The following ZBTB33 variants were observed in gnomAD, a reference collection of about 807,000 sequenced individuals.
ZBTB33 encodes transcriptional regulator Kaiso.
In ZBTB33, 11 loss-of-function variants were observed where a neutral mutation model predicts 25.9. The ratio of observed to expected loss-of-function variants is 0.42; its 90% CI spans 0.27 to 0.70. ZBTB33 has a LOEUF of 0.70. ZBTB33 is among the 30% of genes least tolerant of loss of function. ZBTB33 has a pLI of 0.23. For missense variants in ZBTB33, 343 were observed against 501.1 expected (o/e 0.68, Z 3.01); for synonymous variants, 157 against 184.8 (o/e 0.85, Z 1.22).
rs1258054183 is a variant in ZBTB33 at position 120,255,518 on chromosome X, C to G, written c.*84C>G. On this transcript the variant is annotated 3_prime_UTR_variant, in exon 3 of 3. Coordinates refer to ENST00000557385, the MANE Select transcript of ZBTB33 (RefSeq NM_001184742.2). The stretch of plus-strand genomic sequence containing the variant: ...TCTGTAAAACAAATTAAGGTGCGAA[C>G]AAGTTAATTTGATCTGCCACATTAT... 1 of 792,706 alleles carries G rather than the reference C, an allele frequency of 1.3e-6. No homozygotes were observed. The highest frequency in any genetic ancestry group is 3.3e-5 in the Admixed American group (1 of 30,263). The allele number at this position is 792,706 out of a possible 1,213,427, so 65.3% of individuals were successfully genotyped here.
Position 120,256,675 on chromosome X carries a change from A to T in ZBTB33, c.*1241A>T, listed in dbSNP as rs184955675. 2.9e-3 allele frequency: 359 copies of T among 123,273 alleles called. No homozygotes were observed. The highest frequency in any genetic ancestry group is 0.011 in the African/African-American group (333 of 30,872). The allele number at this position is 123,273 out of a possible 1,213,427, so 10.2% of individuals were successfully genotyped here. ...ACATATTTAAACACTTAGAAAATAA[A>T]GTTAACACTTACTGAAGTGCTAGTA... On this transcript the variant is annotated 3_prime_UTR_variant, in exon 3 of 3. Transcript: ENST00000557385.
At position 120,255,472 on chromosome X, in the gene ZBTB33, T is replaced by C. The variant is rs782000872; in HGVS notation, c.*38T>C. ...TACTAGAAAGTTTTGTTTTGGATGATGGGGCAGGGGTTTCAGAAGATCTGT... is the reference window on the plus strand; with the variant it reads ...TACTAGAAAGTTTTGTTTTGGATGACGGGGCAGGGGTTTCAGAAGATCTGT... On this transcript the variant is annotated 3_prime_UTR_variant, in exon 3 of 3. Coordinates refer to ENST00000557385, the MANE Select transcript of ZBTB33 (RefSeq NM_001184742.2). 9.4e-6 allele frequency: 10 copies of C among 1,065,858 alleles called. No individual in the cohort carries two copies. In the East Asian group the frequency reaches 3.0e-4, roughly 32 times the overall value. 87.8% of individuals were successfully genotyped at this position (1,065,858 alleles called of 1,213,427 possible). A position where few individuals can be genotyped will look rare whatever the true frequency, so the allele number is the denominator to read the frequency against.
chrX:120,252,932 G>A (rs1556014571), intron 2 of ZBTB33, among the ~76,000 whole-genome samples, 162 bp downstream of exon 2: 1 of 112,136 alleles, frequency 8.9e-6, no homozygotes, highest in Non-Finnish European at 1.9e-5. Context: ...AAAATTAAGA[G>A]TATGTATTTC....
rs1556014890 is a variant in ZBTB33, at chrX:120,254,205, A to G, written c.790A>G (p.Ser264Gly). 8.3e-7 allele frequency: 1 copy of G among 1,212,115 alleles called. No homozygotes were observed. Among genetic ancestry groups the G allele is most frequent in the South Asian group, 1.8e-5 (1 of 57,030 alleles). ...GGCAACTTTGAGCCAAACACAAGGAAGTGAAAAATTGTTGGTATCTTCAGC... is the reference window on the plus strand; with the variant it reads ...GGCAACTTTGAGCCAAACACAAGGAGGTGAAAAATTGTTGGTATCTTCAGC... ...NQATLSQTQGSEKLLVSSAPT... is the reference protein window; with the variant it reads ...NQATLSQTQGGEKLLVSSAPT... The change falls in exon 3 of 3, where the codon AGT (serine) becomes GGT (glycine). Residue 264 changes from serine to glycine, a missense_variant. Around this residue, in one of 2 missense-constraint regions of ZBTB33, gnomAD observed 304 missense variants for 410.0 expected, o/e 0.74. Coordinates refer to ENST00000557385, the MANE Select transcript of ZBTB33 (RefSeq NM_001184742.2).
Position 120,253,692 on chromosome X carries a change from G to A in ZBTB33, c.277G>A (p.Val93Ile), listed in dbSNP as rs2057614656. Residue 93 changes from valine (V) to isoleucine (I), a missense_variant, in exon 3 of 3, where the codon GTT becomes ATT. Transcript: ENST00000557385. The part of the protein sequence containing the change: ...NYIYSSKIVR[V>I]RSDLLDELIK... Reference sequence around the variant, plus strand: ...TATCTATAGTTCTAAAATTGTTCGTGTTAGATCAGATTTGCTTGATGAGTT... The same window carrying A: ...TATCTATAGTTCTAAAATTGTTCGTATTAGATCAGATTTGCTTGATGAGTT... 8.3e-7 allele frequency: 1 copy of A among 1,210,315 alleles called. No homozygotes were observed. The highest frequency in any genetic ancestry group is 2.2e-5 in the Admixed American group (1 of 45,820).
rs557274880 is a variant in ZBTB33 at position 120,255,287 on chromosome X, A to C, written c.1872A>C (p.Glu624Asp). The C allele has an allele frequency of 3.2e-4, 384 of 1,209,969 alleles. 4 individuals carry two copies. In the South Asian group the frequency reaches 6.4e-3, roughly 20 times the overall value. ...GIGYKVDTGK[E>D]PPVGTTTSTQ... ...GGTATAAGGTTGACACTGGAAAAGA[A>C]CCTCCAGTAGGGACCACTACATCTA... Residue 624 changes from glutamate (E) to aspartate (D), a missense_variant, in exon 3 of 3, where the codon GAA becomes GAC. Transcript: ENST00000557385.
At chrX:120,252,399 C>G (rs1443289247) in intron 1 of ZBTB33, among the ~76,000 whole-genome samples, 1 of 110,336 alleles carries the variant, frequency 9.1e-6, no homozygotes, top group African/African-American at 3.3e-5. Context: ...CTCTTTGTTA[C>G]TGGAAATATC....
rs1556015432 is a variant in ZBTB33 at position 120,256,315 on chromosome X, A to G, written c.*881A>G. On this transcript the variant is annotated 3_prime_UTR_variant, in exon 3 of 3. Transcript: ENST00000557385. ...TTTTCAAATTTTGAATCTGAAAGCC[A>G]CCAAATGTATCTTTATGTATAAATC... is the stretch of plus-strand genomic sequence containing the variant. 1 of 123,160 alleles carries G rather than the reference A, an allele frequency of 8.1e-6. No individual in the cohort carries two copies. Among genetic ancestry groups the G allele is most frequent in the African/African-American group, 3.2e-5 (1 of 30,830 alleles). The allele number at this position is 123,160 out of a possible 1,213,427, so 10.1% of individuals were successfully genotyped here.
In ZBTB33 at chrX:120,254,069, A is replaced by G. The variant is rs782035631; in HGVS notation, c.654A>G (p.Gln218=). ...LPSNNTVAQV[Q]SNPGPVAISD... is the part of the protein sequence containing the mutation. ...GTAATAACACAGTGGCACAGGTCCA[A>G]TCTAACCCAGGCCCTGTTGCTATTT... The change falls in exon 3 of 3, where the codon CAA becomes CAG. Residue 218 remains glutamine (Q), a synonymous_variant. Coordinates refer to ENST00000557385, the MANE Select transcript of ZBTB33 (RefSeq NM_001184742.2). 19 of 1,209,199 alleles carry G rather than the reference A, an allele frequency of 1.6e-5. No individual in the cohort carries two copies. Among genetic ancestry groups the G allele is most frequent in the South Asian group, 7.0e-5 (4 of 56,772 alleles).
rs782590085 is a variant in ZBTB33, at chrX:120,257,180, C to T, written c.*1746C>T. On this transcript the variant is annotated 3_prime_UTR_variant, in exon 3 of 3. Transcript: ENST00000557385. ...CCTTCAAACCATTTGTAAACTAACC[C>T]CTGGGAAATTTGAAATTACCTGATA... The T allele has an allele frequency of 1.2e-4, 15 of 122,638 alleles. No individual in the cohort carries two copies. The highest frequency in any genetic ancestry group is 2.6e-4 in the Non-Finnish European group (14 of 52,964). The allele number at this position is 122,638 out of a possible 1,213,427, so 10.1% of individuals were successfully genotyped here.
In ZBTB33 at chrX:120,255,539, A is replaced by T. The variant is rs2057632841; in HGVS notation, c.*105A>T. ...CGAACAAGTTAATTTGATCTGCCAC[A>T]TTATCTGAAGGAAGTGTAGTGGGAT... On this transcript the variant is annotated 3_prime_UTR_variant, in exon 3 of 3. Transcript: ENST00000557385. 4.4e-6 allele frequency: 3 copies of T among 687,865 alleles called. No individual in the cohort carries two copies. Among genetic ancestry groups the T allele is most frequent in the Middle Eastern group, 5.1e-4 (1 of 1,947 alleles). The allele number at this position is 687,865 out of a possible 1,213,427, so 56.7% of individuals were successfully genotyped here. A position where few individuals can be genotyped will look rare whatever the true frequency, so the allele number is the denominator to read the frequency against.
chrX:120,252,592 TG>T lies in ZBTB33; in HGVS notation c.-104-76del, dbSNP rs1182044280. The T allele has an allele frequency of 2.7e-5, 3 of 111,944 alleles. No homozygotes were observed. The East Asian group carries it at 8.3e-4, about 31-fold the overall frequency. The allele number at this position is 111,944 out of a possible 1,213,427, so 9.2% of individuals were successfully genotyped here. A position where few individuals can be genotyped will look rare whatever the true frequency, so the allele number is the denominator to read the frequency against. On this transcript the variant is annotated intron_variant, in intron 1 of 2. Transcript: ENST00000557385. ...TGATTCTTTACCAACAAAAATAAAA[TG>T]TTTCGTGTTTTCTTGGAAGTGGGCA...
chrX:120,252,546 A>G (rs1556014525), intron 1 of ZBTB33, 123 bp from the exon 2 acceptor site: 2 of 112,149 alleles, frequency 1.8e-5, no homozygotes, highest in Admixed American at 9.4e-5. Flanking sequence ...GGTGTGGAAA[A>G]AATTCTCATA....
At chrX:120,252,139 G>T (rs2057604711) in intron 1 of ZBTB33, among the ~76,000 whole-genome samples, 1 of 111,366 alleles carries the variant, frequency 9.0e-6, no homozygotes, top group South Asian at 3.7e-4. Context: ...TTGTTCTTAA[G>T]GTATCATTTT....
rs2057608274 is a variant in ZBTB33, at chrX:120,252,721, A to G, written c.-52A>G. The G allele has an allele frequency of 8.9e-6, 1 of 112,033 alleles. No individual in the cohort carries two copies. Among genetic ancestry groups the G allele is most frequent in the Non-Finnish European group, 1.9e-5 (1 of 53,225 alleles). 9.2% of individuals were successfully genotyped at this position (112,033 alleles called of 1,213,427 possible). On this transcript the variant is annotated 5_prime_UTR_variant, in exon 2 of 3. Coordinates refer to ENST00000557385, the MANE Select transcript of ZBTB33 (RefSeq NM_001184742.2). Reference sequence around the variant, plus strand: ...TAACATTCCACCTCTGGAAATTGTAAAGATGGAGAGATGAGGGGAAGGGAC... The same window carrying G: ...TAACATTCCACCTCTGGAAATTGTAGAGATGGAGAGATGAGGGGAAGGGAC...
chrX:120,254,045 T>A lies in ZBTB33; in HGVS notation c.630T>A (p.Ser210Arg). ...TGCCCACAAAGGAGACTTTGCCGAG[T>A]AATAACACAGTGGCACAGGTCCAAT... The part of the protein sequence containing the change: ...EILPTKETLP[S>R]NNTVAQVQSN... Residue 210 changes from serine to arginine, a missense_variant, in exon 3 of 3, where the codon AGT becomes AGA. Ser to Arg is a moderately radical substitution (Grantham distance 110). Transcript: ENST00000557385. The A allele has an allele frequency of 2.5e-6, 3 of 1,210,829 alleles. No homozygotes were observed. Among genetic ancestry groups the A allele is most frequent in the Non-Finnish European group, 3.4e-6 (3 of 894,759 alleles).
chrX:120,252,560 A>AT (rs2057607320), intron 1 of ZBTB33, 109 bp from the exon 2 acceptor site: 1 of 112,082 alleles, frequency 8.9e-6, no homozygotes, highest in Admixed American at 9.4e-5. Context: ...TCTCATACCA[A>AT]TGCATATGAT....
In ZBTB33 at chrX:120,254,281, C is replaced by G. The variant is rs144035505; in HGVS notation, c.866C>G (p.Ser289Cys). 6 of 1,210,427 alleles carry G rather than the reference C, an allele frequency of 5.0e-6. No individual in the cohort carries two copies. The highest frequency in any genetic ancestry group is 6.7e-6 in the Non-Finnish European group (6 of 895,376). ...ATTTTGTTAAATCAGACACCACTTT[C>G]TACACCACCAAATGTCAGTTCTTCA... Reference protein sequence around the residue: ...NIILLNQTPLSTPPNVSSSLP... With the variant: ...NIILLNQTPLCTPPNVSSSLP... The change falls in exon 3 of 3, where the codon TCT (serine) becomes TGT (cysteine). Residue 289 changes from serine (S) to cysteine (C), a missense_variant. Physicochemically the swap from Ser to Cys is moderately radical, Grantham distance 112. Transcript: ENST00000557385.
At chrX:120,251,023 G>A (rs1338806217) in intron 1 of ZBTB33, 46 bp downstream of exon 1, 2 of 112,833 alleles carry the variant, frequency 1.8e-5, no homozygotes, top group Non-Finnish European at 3.8e-5. Context: ...GAGCGCGCTT[G>A]CCTTCTCCGT....
Sources: allele counts gnomAD v4.1 joint callset (sites outside exome capture counted in the v4.1 genomes callset), GRCh38; gene constraint gnomAD v4.1.1; regional missense constraint gnomAD v4.1.1; transcripts MANE v1.5; gene names NCBI Gene and HGNC (gene_info 2026-07-23, HGNC 2026-07-21).